UNC79: variants seen among roughly 807,000 people sequenced by gnomAD.
The protein encoded by UNC79 is protein unc-79 homolog.
Under a neutral mutation model 283.1 loss-of-function variants are expected in UNC79, and 37 were observed. The observed-to-expected ratio is 0.13, with a 90% CI of 0.10 to 0.17. The LOEUF (loss-of-function observed/expected upper bound fraction) is 0.17, where lower values mean the gene tolerates loss of function less well. Ranked by LOEUF, UNC79 falls within the 10% of genes least tolerant of loss-of-function variation. The probability of loss-of-function intolerance (pLI) is 1.00; values close to 1 mark genes in which losing one functional copy is unlikely to be tolerated. For missense variants in UNC79, 2,272 were observed against 3,211.1 expected, an observed-to-expected ratio of 0.71 and a Z score of 7.07; for synonymous variants, 1,107 against 1,200.2, an observed-to-expected ratio of 0.92 and a Z score of 1.61.
At chr14:93,618,727 G>C (rs2066912312) in intron 29 of UNC79, among the ~76,000 whole-genome samples, 1 of 152,130 alleles carries the variant, frequency 6.6e-6, no homozygotes, top group Admixed American at 6.5e-5. Context: ...AGTTTGCCCT[G>C]GTCTTTGCGC....
intron 14 of UNC79, among the ~76,000 whole-genome samples, chr14:93,552,482 A>G (rs2061949937): frequency 6.6e-6 from 1 of 152,184 alleles, no homozygotes; most frequent in African/African-American, 2.4e-5. Context: ...TAGTTTGGAG[A>G]CTTGCAGCTC....
chr14:93,659,123 G>A lies in UNC79; in HGVS notation c.6457-70G>A, dbSNP rs1451183721. ...CCTTTTGCTAAACTAAATGCTTTCA[G>A]AACATATTTGAAGCAAAAGTTATAT... On this transcript the variant is annotated intron_variant, in intron 38 of 48. Transcript: ENST00000555664. 6 of 1,269,462 alleles carry A rather than the reference G, an allele frequency of 4.7e-6. No individual in the cohort carries two copies. The Admixed American group carries it at 6.7e-5, about 14-fold the overall frequency. 78.6% of individuals were successfully genotyped at this position (1,269,462 alleles called of 1,614,324 possible). A position where few individuals can be genotyped will look rare whatever the true frequency, so the allele number is the denominator to read the frequency against.
chr14:93,694,416 G>A lies in UNC79; in HGVS notation c.7548+4G>A, dbSNP rs372820271. On this transcript the variant is annotated splice_donor_region_variant and intron_variant, in intron 47 of 48. Coordinates refer to ENST00000555664, the Ensembl canonical transcript of UNC79. ...CAATTCGACCATTTTTGTCAAGGTA[G>A]GAAAACCTTATGATTTTTAAAGACC... 37 of 1,607,622 alleles carry A rather than the reference G, an allele frequency of 2.3e-5. No individual in the cohort carries two copies. The highest frequency in any genetic ancestry group is 8.3e-5 in the Admixed American group (5 of 59,930).
intron 47 of UNC79, among the ~76,000 whole-genome samples, chr14:93,697,571 T>C (rs1184445508): frequency 2.0e-5 from 3 of 152,172 alleles, no homozygotes; most frequent in African/African-American, 4.8e-5. Context: ...TCATTTGCCA[T>C]TCGAGATAAA....
intron 14 of UNC79, among the ~76,000 whole-genome samples, chr14:93,567,876 G>A (rs147154268): frequency 3.3e-5 from 5 of 152,280 alleles, no homozygotes; most frequent in Admixed American, 1.3e-4. Context: ...GGAGACATGA[G>A]ACATCAATCA....
intron 1 of UNC79, among the ~76,000 whole-genome samples, chr14:93,357,176 C>T (rs1440234518): frequency 3.3e-5 from 5 of 152,194 alleles, no homozygotes; most frequent in Non-Finnish European, 7.3e-5. Flanking sequence ...TGGCCTCCAG[C>T]TCTATCCATG....
intron 1 of UNC79, chr14:93,347,385 G>T (rs764975436): frequency 1.3e-6 from 2 of 1,539,076 alleles, no homozygotes; most frequent in East Asian, 4.8e-5. Flanking sequence ...AGCGGCCCCT[G>T]TCTGCCGCGG....
chr14:93,348,165 A>G (rs1282297913), intron 1 of UNC79: 1 of 1,231,054 alleles, frequency 8.1e-7, no homozygotes, highest in East Asian at 2.3e-5. Context: ...AAAAACTTTC[A>G]GAAAAAGCTG....
intron 1 of UNC79, among the ~76,000 whole-genome samples, chr14:93,394,583 G>T (rs921719496): frequency 2.4e-4 from 37 of 151,742 alleles, no homozygotes; most frequent in African/African-American, 8.7e-4. Flanking sequence ...GCTAATTTTT[G>T]TATTTTTAGT....
At chr14:93,605,165 A>G (rs77523554) in intron 26 of UNC79, among the ~76,000 whole-genome samples, 87 of 152,198 alleles carry the variant, frequency 5.7e-4, no homozygotes, top group African/African-American at 2.1e-3. Context: ...TTTTGATTCT[A>G]TTAACTTTTG....
chr14:93,622,080 C>T (rs760585021), exon 30 of UNC79: 2 of 1,614,100 alleles, frequency 1.2e-6, no homozygotes, highest in Admixed American at 1.7e-5. Context: ...GATTCAACCT[C>T]GGGGCCTGAA....
intron 1 of UNC79, among the ~76,000 whole-genome samples, chr14:93,386,734 T>C (rs1482893665): frequency 6.6e-6 from 1 of 152,106 alleles, no homozygotes; most frequent in Non-Finnish European, 1.5e-5. Context: ...CTTCCAGATT[T>C]TCCAATTTAA....
At chr14:93,476,052 A>C (rs2057780644) in intron 3 of UNC79, among the ~76,000 whole-genome samples, 1 of 152,176 alleles carries the variant, frequency 6.6e-6, no homozygotes. Flanking sequence ...TCACTGAGGG[A>C]GTTTGTAACA....
chr14:93,678,391 C>A (rs989097016), intron 41 of UNC79, among the ~76,000 whole-genome samples: 1 of 152,226 alleles, frequency 6.6e-6, no homozygotes, highest in Non-Finnish European at 1.5e-5. Flanking sequence ...CCCGTTCATT[C>A]TTTCACCCCA....
At chr14:93,508,931 G>A (rs776924235) in intron 7 of UNC79, among the ~76,000 whole-genome samples, 7 of 152,116 alleles carry the variant, frequency 4.6e-5, no homozygotes, top group Admixed American at 1.3e-4. Context: ...TGGATATTGC[G>A]TTAGTCTGTT....
chr14:93,431,867 G>A (rs2055895064), intron 1 of UNC79, among the ~76,000 whole-genome samples: 1 of 152,174 alleles, frequency 6.6e-6, no homozygotes, highest in African/African-American at 2.4e-5. Flanking sequence ...GCACTAGTAG[G>A]CCTTCGGTGT....
Position 93,531,713 on chromosome 14 carries a change from G to A in UNC79, c.1094-837G>A, listed in dbSNP as rs549764435. Among the ~76,000 whole-genome samples the A allele has an allele frequency of 3.3e-5, 5 of 152,260 alleles. No homozygotes were observed. The South Asian group carries it at 1.0e-3, about 32-fold the overall frequency. ...ACAGTTTTGATATTGCAAATAATCC[G>A]ATGGTGATGCTGTAAATATATCACA... On this transcript the variant is annotated intron_variant, in intron 10 of 48. Coordinates refer to ENST00000555664, the Ensembl canonical transcript of UNC79. This position sits in a 1 kb window ranked among gnomAD's most constrained non-coding sequence, Gnocchi z 4.2.
chr14:93,528,692 G>A (rs2060657998), intron 9 of UNC79, 46 bp downstream of exon 9: 2 of 1,559,924 alleles, frequency 1.3e-6, no homozygotes, highest in African/African-American at 1.4e-5. Context: ...ACAACAATAA[G>A]AAGATAAGAA....
chr14:93,704,533 A>G, intron 47 of UNC79, 92 bp from the exon 51 acceptor site: 1 of 1,422,430 alleles, frequency 7.0e-7, no homozygotes, highest in Non-Finnish European at 9.9e-7. Flanking sequence ...CGTGAAAGGG[A>G]TTCAATGTGG....
Sources: allele counts gnomAD v4.1 joint callset (sites outside exome capture counted in the v4.1 genomes callset), GRCh38; gene constraint gnomAD v4.1.1; non-coding constraint Gnocchi (gnomAD v3.1); transcripts MANE v1.5; gene names NCBI Gene and HGNC (gene_info 2026-07-23, HGNC 2026-07-21).